Variants in ENTHD1 observed in about 807,000 individuals in gnomAD.
ENTHD1 encodes the protein ENTH domain containing 1.
ENTHD1 carries 23 observed loss-of-function variants against 39.1 expected under a neutral mutation model. The observed-to-expected ratio is 0.59, with a 90% CI of 0.42 to 0.83. The LOEUF (loss-of-function observed/expected upper bound fraction) is 0.83, where lower values mean the gene tolerates loss of function less well. Ranked by LOEUF, ENTHD1 falls within the 40% of genes least tolerant of loss-of-function variation. ENTHD1 has a pLI of 0.00. For missense variants in ENTHD1, 624 were observed against 705.4 expected (o/e 0.88, Z 1.31); for synonymous variants, 230 against 258.2 (o/e 0.89, Z 1.05).
At chr22:39,888,260 CT>C (rs61092462) in intron 1 of ENTHD1, among the ~76,000 whole-genome samples, 33,349 of 110,394 alleles carry the variant, frequency 0.3, 6,527 homozygotes, top group African/African-American at 0.64. Context: ...TTCTTTCTTT[CT>C]TTTTTTTTTT....
At chr22:39,824,201 CTTTTTTTTTTTTT>C (rs71197195) in intron 4 of ENTHD1, among the ~76,000 whole-genome samples, 5 of 71,416 alleles carry the variant, frequency 7.0e-5, no homozygotes, top group Admixed American at 2.3e-4. Context: ...TTGTCCAGTT[CTTTTTTTTTTTTT>C]TTTTTTTTTT....
At chr22:39,774,494 T>C (rs770581097) in intron 5 of ENTHD1, among the ~76,000 whole-genome samples, 27 of 152,300 alleles carry the variant, frequency 1.8e-4, no homozygotes, top group Non-Finnish European at 3.8e-4. Context: ...TCTGTTAATA[T>C]GACCATCAGC....
chr22:39,847,466 C>T lies in ENTHD1; in HGVS notation c.593-11508G>A, dbSNP rs149302806. Among the ~76,000 whole-genome samples, 1,106 of 150,940 alleles carry T rather than the reference C, an allele frequency of 7.3e-3. 14 individuals are homozygous for T. The highest frequency in any genetic ancestry group is 0.026 in the African/African-American group (1,059 of 41,054). On this transcript the variant is annotated intron_variant, in intron 3 of 6. Coordinates refer to ENST00000325157, the MANE Select transcript of ENTHD1 (RefSeq NM_152512.4). ...AGCACACCAGCATGGCACATGTATACATATGTAACCTGCACATTGTGCACG... is the reference window on the plus strand; with the variant it reads ...AGCACACCAGCATGGCACATGTATATATATGTAACCTGCACATTGTGCACG...
intron 6 of ENTHD1, among the ~76,000 whole-genome samples, chr22:39,753,807 C>G (rs965662550): frequency 2.6e-5 from 4 of 152,158 alleles, no homozygotes; most frequent in Admixed American, 1.3e-4. Flanking sequence ...TACTGCCCTC[C>G]TCTGAAACCT....
At chr22:39,792,119 T>C (rs998625191) in intron 5 of ENTHD1, among the ~76,000 whole-genome samples, 6 of 152,222 alleles carry the variant, frequency 3.9e-5, no homozygotes, top group Admixed American at 6.5e-5. Context: ...TACCACATTT[T>C]CTTTATCCAG....
chr22:39,833,646 G>GA (rs1262868334), intron 4 of ENTHD1, among the ~76,000 whole-genome samples: 1 of 151,168 alleles, frequency 6.6e-6, no homozygotes, highest in Non-Finnish European at 1.5e-5. Context: ...GGAACTCACA[G>GA]AAAAAAGAAA....
intron 5 of ENTHD1, among the ~76,000 whole-genome samples, chr22:39,767,007 TGTGA>T (rs1276000112): frequency 6.6e-6 from 1 of 152,208 alleles, no homozygotes; most frequent in African/African-American, 2.4e-5. Flanking sequence ...TTTGAAGCTC[TGTGA>T]GTAATTATAA....
At chr22:39,779,024 G>C (rs2065386954) in intron 5 of ENTHD1, among the ~76,000 whole-genome samples, 1 of 152,140 alleles carries the variant, frequency 6.6e-6, no homozygotes, top group Non-Finnish European at 1.5e-5. Context: ...AGGTATAAGA[G>C]ATTATAAAAA....
At chr22:39,770,449 T>C (rs2065312451) in intron 5 of ENTHD1, among the ~76,000 whole-genome samples, 1 of 152,096 alleles carries the variant, frequency 6.6e-6, no homozygotes, top group Non-Finnish European at 1.5e-5. Flanking sequence ...CATACTCTCT[T>C]AACATTAGCA....
At chr22:39,798,801 G>GT (rs1205158283) in intron 5 of ENTHD1, among the ~76,000 whole-genome samples, 1 of 152,208 alleles carries the variant, frequency 6.6e-6, no homozygotes, top group Admixed American at 6.5e-5. Flanking sequence ...TGGGCAGTGT[G>GT]TGATGGCAGT....
At chr22:39,872,978 C>T (rs984533376) in intron 2 of ENTHD1, among the ~76,000 whole-genome samples, 3 of 150,894 alleles carry the variant, frequency 2.0e-5, no homozygotes, top group Non-Finnish European at 3.0e-5. Flanking sequence ...AGCTAATTTT[C>T]TTTTCTTTCT....
At chr22:39,893,674 C>T (rs993090644) in intron 1 of ENTHD1, 21 bp downstream of exon 1, 33 of 152,288 alleles carry the variant, frequency 2.2e-4, no homozygotes, top group African/African-American at 8.0e-4. Flanking sequence ...CCCACCACCA[C>T]TCCCAAGCAG....
intron 5 of ENTHD1, among the ~76,000 whole-genome samples, chr22:39,772,502 T>C (rs1601584204): frequency 6.6e-6 from 1 of 152,326 alleles, no homozygotes; most frequent in Non-Finnish European, 1.5e-5. Context: ...TTTAATCCCT[T>C]GGTATAACTA....
intron 5 of ENTHD1, among the ~76,000 whole-genome samples, chr22:39,770,632 AATAAT>A (rs2065313811): frequency 6.6e-6 from 1 of 152,194 alleles, no homozygotes; most frequent in African/African-American, 2.4e-5. Context: ...AAAAATAACT[AATAAT>A]ATAAGTTACC....
At chr22:39,836,973 C>T (rs781524039) in intron 3 of ENTHD1, among the ~76,000 whole-genome samples, 2 of 152,152 alleles carry the variant, frequency 1.3e-5, no homozygotes, top group Non-Finnish European at 2.9e-5. Context: ...ATCAATTACC[C>T]AGTCTCAGGT....
Position 39,835,970 on chromosome 22 carries a change from A to C in ENTHD1, c.593-12T>G. The C allele has an allele frequency of 6.3e-7, 1 of 1,581,136 alleles. No individual in the cohort carries two copies. Among genetic ancestry groups the C allele is most frequent in the South Asian group, 1.2e-5 (1 of 85,682 alleles). On this transcript the variant is annotated splice_polypyrimidine_tract_variant and intron_variant, in intron 3 of 6. Transcript: ENST00000325157. ...CTTGCACACATTTCCTGTCAACAAT[A>C]TAAAGCTTAAGATTTTACTTTGGCA...
intron 4 of ENTHD1, among the ~76,000 whole-genome samples, chr22:39,827,241 T>C (rs1211418823): frequency 1.3e-5 from 2 of 152,030 alleles, no homozygotes; most frequent in East Asian, 3.9e-4. Context: ...GGTCTCGATC[T>C]TCTGACCTCG....
rs139266779 is a variant in ENTHD1 at position 39,824,456 on chromosome 22, G to A, written c.712-3343C>T. ...AAACTCCTGACCTAGTGATCCGCCC[G>A]TCTCAGCCTCCCAAAGTGCGGGGAT... On this transcript the variant is annotated intron_variant, in intron 4 of 6. Transcript: ENST00000325157. Among the ~76,000 whole-genome samples, 1,066 of 152,004 alleles carry A rather than the reference G, an allele frequency of 7.0e-3. 8 individuals are homozygous for A. Among genetic ancestry groups the A allele is most frequent in the Middle Eastern group, 0.017 (5 of 294 alleles).
intron 5 of ENTHD1, among the ~76,000 whole-genome samples, chr22:39,816,621 G>T (rs942285181): frequency 6.6e-6 from 1 of 152,124 alleles, no homozygotes; most frequent in Admixed American, 6.5e-5. Flanking sequence ...ACAACTGGCT[G>T]CCCATTGCCC....
Sources: allele counts gnomAD v4.1 joint callset (sites outside exome capture counted in the v4.1 genomes callset), GRCh38; gene constraint gnomAD v4.1.1; transcripts MANE v1.5; gene names NCBI Gene and HGNC (gene_info 2026-07-23, HGNC 2026-07-21).